Variants in ATXN1 observed in about 807,000 individuals in gnomAD.
ATXN1 encodes ataxin 1, also known as ataxin-1.
In ATXN1, 8 loss-of-function variants were observed where a neutral mutation model predicts 56.4. That is an observed-to-expected ratio of 0.14 (90% CI 0.08 to 0.26). ATXN1 has a LOEUF of 0.26. Among genes scored for constraint, ATXN1 ranks in the 10% least tolerant of loss-of-function variants. ATXN1 has a pLI of 1.00. For synonymous variants in ATXN1, 514 were observed against 494.6 expected, an observed-to-expected ratio of 1.04 and a Z score of -0.52; for missense variants, 987 against 1,106.5, an observed-to-expected ratio of 0.89 and a Z score of 1.53.
intron 4 of ATXN1, among the ~76,000 whole-genome samples, chr6:16,554,596 C>T (rs954182694): frequency 1.1e-4 from 17 of 152,196 alleles, no homozygotes; most frequent in African/African-American, 3.6e-4. Context: ...AGATTACAGG[C>T]GCCCGCCACC....
At chr6:16,674,396 C>T (rs1459895244) in intron 2 of ATXN1, among the ~76,000 whole-genome samples, 1 of 128,746 alleles carries the variant, frequency 7.8e-6, no homozygotes, top group African/African-American at 3.1e-5. Context: ...GGCTGGAGTG[C>T]AGTGGTGTGA....
chr6:16,560,302 T>G (rs1277227227), intron 4 of ATXN1, among the ~76,000 whole-genome samples: 1 of 151,630 alleles, frequency 6.6e-6, no homozygotes, highest in South Asian at 2.1e-4. Context: ...TGGTGGCAGG[T>G]GCTTGTAATC....
At chr6:16,393,424 G>C (rs755998288) in intron 6 of ATXN1, among the ~76,000 whole-genome samples, 6 of 151,996 alleles carry the variant, frequency 3.9e-5, no homozygotes, top group Non-Finnish European at 7.4e-5. Context: ...TTTGTAGAGA[G>C]GAGTTTTGCT....
At chr6:16,405,283 A>G (rs983808407) in intron 6 of ATXN1, among the ~76,000 whole-genome samples, 5 of 152,250 alleles carry the variant, frequency 3.3e-5, no homozygotes, top group African/African-American at 1.2e-4. Flanking sequence ...TATCACACCA[A>G]TAAAAGCCAA....
intron 7 of ATXN1, among the ~76,000 whole-genome samples, chr6:16,322,658 A>G (rs1318391895): frequency 6.6e-6 from 1 of 152,224 alleles, no homozygotes; most frequent in Non-Finnish European, 1.5e-5. Flanking sequence ...AAAACCCCTC[A>G]GGAAGGCACT....
chr6:16,482,160 T>C (rs537597164), intron 6 of ATXN1, among the ~76,000 whole-genome samples: 4 of 152,190 alleles, frequency 2.6e-5, no homozygotes, highest in African/African-American at 9.7e-5. Flanking sequence ...CAGAACAGCA[T>C]GTATGTTCCT....
intron 2 of ATXN1, among the ~76,000 whole-genome samples, chr6:16,689,124 T>C (rs1184223024): frequency 6.6e-6 from 1 of 152,080 alleles, no homozygotes; most frequent in Non-Finnish European, 1.5e-5. Flanking sequence ...ATTTCCTATC[T>C]GGCATATGAA....
chr6:16,677,081 T>G (rs982474363), intron 2 of ATXN1, among the ~76,000 whole-genome samples: 1 of 152,170 alleles, frequency 6.6e-6, no homozygotes, highest in Admixed American at 6.5e-5. Flanking sequence ...CAAAGCACCA[T>G]GGGAAATGTA....
At position 16,302,537 on chromosome 6, in the gene ATXN1, C is replaced by T. The variant is rs1302382686; in HGVS notation, c.*3792G>A. 6.6e-6 allele frequency: 1 copy of T among 152,614 alleles called. No individual in the cohort carries two copies. Among genetic ancestry groups the T allele is most frequent in the Non-Finnish European group, 1.5e-5 (1 of 68,038 alleles). 9.5% of individuals were successfully genotyped at this position (152,614 alleles called of 1,614,324 possible). ...GGCATCCATCTCTGTATCCCTCCCT[C>T]CCCCCTCTGCCCCAGTGTGGCCCAG... is the stretch of plus-strand genomic sequence containing the variant. On this transcript the variant is annotated 3_prime_UTR_variant, in exon 8 of 8. Transcript: ENST00000436367.
At chr6:16,347,842 C>T (rs976709791) in intron 6 of ATXN1, among the ~76,000 whole-genome samples, 2 of 152,158 alleles carry the variant, frequency 1.3e-5, no homozygotes, top group African/African-American at 2.4e-5. Flanking sequence ...GCAGTGGTAA[C>T]CTTCTCCGAT....
intron 6 of ATXN1, among the ~76,000 whole-genome samples, chr6:16,388,887 G>A (rs745546239): frequency 1.3e-5 from 2 of 152,156 alleles, no homozygotes; most frequent in Admixed American, 1.3e-4. Context: ...GGATATGACT[G>A]TAAGAAATAT....
chr6:16,319,231 G>A (rs1760589165), intron 7 of ATXN1, among the ~76,000 whole-genome samples: 1 of 151,456 alleles, frequency 6.6e-6, no homozygotes, highest in East Asian at 1.9e-4. Context: ...AAAAAAAAAT[G>A]TGCCTTAAAG....
intron 5 of ATXN1, among the ~76,000 whole-genome samples, chr6:16,489,163 TC>T (rs1760608481): frequency 6.6e-6 from 1 of 152,154 alleles, no homozygotes; most frequent in Non-Finnish European, 1.5e-5. Context: ...GTTTCTAAGC[TC>T]TCTGATGAAA....
Position 16,757,706 on chromosome 6 carries a change from C to T in ATXN1, c.-730+3592G>A, listed in dbSNP as rs567567781. 2.6e-5 allele frequency among the ~76,000 whole-genome samples: 4 copies of T among 152,344 alleles called. No homozygotes were observed. The South Asian group carries it at 8.3e-4, about 32-fold the overall frequency. On this transcript the variant is annotated intron_variant, in intron 1 of 7. Coordinates refer to ENST00000436367, the MANE Select transcript of ATXN1 (RefSeq NM_001128164.2). ...ACTGGCAGTCACAACTAAATCAAGA[C>T]ATAATTCTCAATTATCTTTTCTTTC... is the stretch of plus-strand genomic sequence containing the variant.
At chr6:16,324,323 C>T (rs1163641248) in intron 7 of ATXN1, among the ~76,000 whole-genome samples, 1 of 152,008 alleles carries the variant, frequency 6.6e-6, no homozygotes. Flanking sequence ...TGGTGGTATG[C>T]ACCTGTGGTC....
chr6:16,453,435 T>G (rs146728068), intron 6 of ATXN1, among the ~76,000 whole-genome samples: 1 of 152,144 alleles, frequency 6.6e-6, no homozygotes, highest in Non-Finnish European at 1.5e-5. Context: ...CACTCCAGCC[T>G]GGGCGACAGA....
intron 6 of ATXN1, among the ~76,000 whole-genome samples, chr6:16,398,084 T>C (rs1253850588): frequency 3.3e-5 from 5 of 152,180 alleles, no homozygotes; most frequent in Non-Finnish European, 7.3e-5. Flanking sequence ...GTCATGAAAA[T>C]GGGACTTTTT....
chr6:16,362,671 T>G (rs1449454098), intron 6 of ATXN1, among the ~76,000 whole-genome samples: 3 of 152,226 alleles, frequency 2.0e-5, no homozygotes, highest in Non-Finnish European at 4.4e-5. Flanking sequence ...GCCTGTAAGT[T>G]TAAGTGTTCA....
intron 6 of ATXN1, among the ~76,000 whole-genome samples, chr6:16,397,581 G>T (rs939190387): frequency 6.6e-6 from 1 of 152,166 alleles, no homozygotes; most frequent in African/African-American, 2.4e-5. Context: ...CACACTGCTG[G>T]TATCCATTCC....
Sources: allele counts gnomAD v4.1 joint callset (sites outside exome capture counted in the v4.1 genomes callset), GRCh38; gene constraint gnomAD v4.1.1; transcripts MANE v1.5; gene names NCBI Gene and HGNC (gene_info 2026-07-23, HGNC 2026-07-21).